The following STK32A variants were observed in gnomAD, a reference collection of about 807,000 sequenced individuals.
STK32A encodes serine/threonine-protein kinase 32A.
In STK32A, 41 loss-of-function variants were observed where a neutral mutation model predicts 53.2. That is an observed-to-expected ratio of 0.77 (90% CI 0.60 to 1.00). The LOEUF (loss-of-function observed/expected upper bound fraction) is 1.00, where lower values mean the gene tolerates loss of function less well. Ranked by LOEUF, STK32A falls within the 50% of genes least tolerant of loss-of-function variation. The pLI is 0.00. For synonymous variants in STK32A, 166 were observed against 162.8 expected (o/e 1.02, Z -0.15); for missense variants, 458 against 485.8 (o/e 0.94, Z 0.54).
At chr5:147,381,320 A>G (rs1471148601) in intron 11 of STK32A, among the ~76,000 whole-genome samples, 2 of 152,040 alleles carry the variant, frequency 1.3e-5, no homozygotes, top group African/African-American at 4.8e-5. Flanking sequence ...TGCTTTCAAG[A>G]TTCTCTCCTT....
chr5:147,277,913 CTAT>C (rs1751843066), intron 2 of STK32A, among the ~76,000 whole-genome samples: 1 of 152,164 alleles, frequency 6.6e-6, no homozygotes, highest in African/African-American at 2.4e-5. Flanking sequence ...TATGTTTACT[CTAT>C]TATTACTGTA....
chr5:147,383,067 A>G (rs1017133052), intron 11 of STK32A: 12 of 233,986 alleles, frequency 5.1e-5, no homozygotes, highest in African/African-American at 9.4e-5. Context: ...GCTCCCTCCC[A>G]TGGGGCTGGA....
At chr5:147,349,713 C>T (rs1014368139) in intron 6 of STK32A, among the ~76,000 whole-genome samples, 2 of 152,044 alleles carry the variant, frequency 1.3e-5, no homozygotes, top group African/African-American at 4.8e-5. Flanking sequence ...TTAGATCCAC[C>T]TTGGAAAAGG....
intron 8 of STK32A, among the ~76,000 whole-genome samples, chr5:147,364,905 T>A (rs1756678139): frequency 6.6e-6 from 1 of 152,158 alleles, no homozygotes; most frequent in South Asian, 2.1e-4. Context: ...ACTCTCAAGG[T>A]CCCAGTGATG....
intron 4 of STK32A, among the ~76,000 whole-genome samples, chr5:147,291,656 A>G (rs1278638280): frequency 3.3e-5 from 5 of 152,202 alleles, no homozygotes; most frequent in African/African-American, 9.6e-5. Context: ...CCTTTCTTAG[A>G]GACTTGTTGT....
At chr5:147,304,641 G>A (rs1753314859) in intron 4 of STK32A, among the ~76,000 whole-genome samples, 1 of 152,172 alleles carries the variant, frequency 6.6e-6, no homozygotes, top group Non-Finnish European at 1.5e-5. Context: ...GGTAGAGGAG[G>A]AAGATTCAGG....
intron 2 of STK32A, among the ~76,000 whole-genome samples, chr5:147,240,544 ACT>A (rs1491104492): frequency 1.3e-5 from 2 of 152,086 alleles, no homozygotes; most frequent in African/African-American, 2.4e-5. Flanking sequence ...TTATTTACTG[ACT>A]CTATCTTCAA....
At chr5:147,303,405 G>C (rs1014978456) in intron 4 of STK32A, among the ~76,000 whole-genome samples, 1 of 152,140 alleles carries the variant, frequency 6.6e-6, no homozygotes, top group African/African-American at 2.4e-5. Flanking sequence ...GCTTCTTCAC[G>C]TGCGGGTGGA....
intron 2 of STK32A, among the ~76,000 whole-genome samples, chr5:147,267,054 A>G (rs1210499942): frequency 6.6e-6 from 1 of 151,892 alleles, no homozygotes; most frequent in Non-Finnish European, 1.5e-5. Flanking sequence ...ACCAACAGGC[A>G]ACATTCTGGG....
At chr5:147,318,841 C>G (rs1754149369) in intron 4 of STK32A, among the ~76,000 whole-genome samples, 1 of 151,632 alleles carries the variant, frequency 6.6e-6, no homozygotes, top group African/African-American at 2.4e-5. Context: ...GAATTGTTCT[C>G]AAAAAGAGGC....
At chr5:147,394,054 T>A in the STK32A span, 1 of 1,614,178 alleles carries the variant, frequency 6.2e-7, no homozygotes, top group Non-Finnish European at 8.5e-7. Flanking sequence ...AGATGTGATA[T>A]TAGAACGGCC....
chr5:147,341,419 TATG>T (rs2151987732), intron 5 of STK32A, among the ~76,000 whole-genome samples: 1 of 152,342 alleles, frequency 6.6e-6, no homozygotes, highest in Non-Finnish European at 1.5e-5. Context: ...TGGGATAGAA[TATG>T]ATATTAATCA....
At chr5:147,328,520 T>C (rs1754711196) in intron 5 of STK32A, among the ~76,000 whole-genome samples, 1 of 152,246 alleles carries the variant, frequency 6.6e-6, no homozygotes, top group Non-Finnish European at 1.5e-5. Context: ...ATTGTGCAAT[T>C]AGACAACTTT....
At chr5:147,389,441 G>GACTA (rs577775412), downstream of STK32A, among the ~76,000 whole-genome samples, 5 of 152,268 alleles carry the variant, frequency 3.3e-5, no homozygotes, top group Admixed American at 3.3e-4. Context: ...TGGCCACAGT[G>GACTA]ACTAGGTCAA....
At chr5:147,250,917 G>C (rs1486567122) in intron 2 of STK32A, among the ~76,000 whole-genome samples, 1 of 139,396 alleles carries the variant, frequency 7.2e-6, no homozygotes, top group Non-Finnish European at 1.5e-5. Context: ...ACTCCAGCCT[G>C]GGCAACAGAG....
the STK32A span, chr5:147,397,963 C>T: frequency 1.9e-6 from 2 of 1,077,948 alleles, no homozygotes; most frequent in Middle Eastern, 3.2e-4. Context: ...CCAGGAAAAG[C>T]TCACCATGCA....
intron 1 of STK32A, among the ~76,000 whole-genome samples, chr5:147,235,930 T>C (rs1561658727): frequency 6.6e-6 from 1 of 152,240 alleles, no homozygotes; most frequent in Non-Finnish European, 1.5e-5. Context: ...CTGAGAGTGT[T>C]ATTAACTTGG....
At chr5:147,314,442 G>T (rs1753858083) in intron 4 of STK32A, among the ~76,000 whole-genome samples, 1 of 146,258 alleles carries the variant, frequency 6.8e-6, no homozygotes, top group South Asian at 2.1e-4. Context: ...AGGTTGCAGG[G>T]CGTGGAGATT....
intron 4 of STK32A, among the ~76,000 whole-genome samples, chr5:147,319,662 T>G (rs1483163728): frequency 6.6e-5 from 10 of 152,104 alleles, no homozygotes; most frequent in African/African-American, 1.2e-4. Flanking sequence ...AAATGTAAAT[T>G]TGTACTTAAT....
Sources: allele counts gnomAD v4.1 joint callset (sites outside exome capture counted in the v4.1 genomes callset), GRCh38; gene constraint gnomAD v4.1.1; transcripts MANE v1.5; gene names NCBI Gene and HGNC (gene_info 2026-07-23, HGNC 2026-07-21).